The following RBL1 variants were observed in gnomAD, a reference collection of about 807,000 sequenced individuals.
RBL1 encodes RB transcriptional corepressor like 1.
A neutral mutation model predicts 123.0 loss-of-function variants in RBL1; 82 were observed. That is an observed-to-expected ratio of 0.67 (90% CI 0.56 to 0.80). The LOEUF is 0.80. Among genes scored for constraint, RBL1 ranks in the 30% least tolerant of loss-of-function variants. The pLI, the probability that RBL1 is intolerant of heterozygous loss-of-function variation, is 0.00. For synonymous variants in RBL1, 405 were observed against 441.3 expected, an observed-to-expected ratio of 0.92 and a Z score of 1.03; for missense variants, 1,171 against 1,299.6, an observed-to-expected ratio of 0.90 and a Z score of 1.52.
intron 2 of RBL1, among the ~76,000 whole-genome samples, chr20:37,077,174 G>A (rs2065378347): frequency 6.6e-6 from 1 of 152,070 alleles, no homozygotes; most frequent in Non-Finnish European, 1.5e-5. Context: ...TGACCTCGAT[G>A]ATCTGCCCCA....
intron 2 of RBL1, among the ~76,000 whole-genome samples, chr20:37,074,410 T>A: frequency 7.4e-6 from 1 of 135,102 alleles, no homozygotes; most frequent in Non-Finnish European, 1.5e-5. Flanking sequence ...CAAGACCCTG[T>A]CTCAGAAAAA....
At chr20:37,083,066 A>G (rs1197610382) in intron 2 of RBL1, among the ~76,000 whole-genome samples, 4 of 152,226 alleles carry the variant, frequency 2.6e-5, no homozygotes, top group Non-Finnish European at 4.4e-5. Flanking sequence ...CCAAATTATT[A>G]TAAGTCAAAG....
At chr20:37,028,330 A>G (rs1177658782) in intron 16 of RBL1, among the ~76,000 whole-genome samples, 2 of 152,128 alleles carry the variant, frequency 1.3e-5, no homozygotes, top group African/African-American at 4.8e-5. Flanking sequence ...ACGCTACTGC[A>G]TTCCAGCTTG....
At position 37,062,199 on chromosome 20, in the gene RBL1, C is replaced by T; in HGVS notation, c.968G>A (p.Gly323Glu). Residue 323 changes from glycine (G) to glutamate (E), a missense_variant, in exon 8 of 22, where the codon GGA (glycine) becomes GAA (glutamate). By Grantham distance (98) the Gly-to-Glu change is moderately conservative (BLOSUM62 -2). Coordinates refer to ENST00000373664, the MANE Select transcript of RBL1 (RefSeq NM_002895.5). ...TCCAATTTCCTCTTCTGCGTCTGCT[C>T]CCAAAAAGATCCTCTCATCAAAATC... ...VGDFDERIFL[G>E]ADAEEEIGTP... 6.2e-7 allele frequency: 1 copy of T among 1,614,152 alleles called. No homozygotes were observed. The highest frequency in any genetic ancestry group is 8.5e-7 in the Non-Finnish European group (1 of 1,180,022).
chr20:37,003,599 A>G (rs888735141), intron 21 of RBL1, 103 bp downstream of exon 21: 3 of 1,373,944 alleles, frequency 2.2e-6, no homozygotes, highest in Non-Finnish European at 2.9e-6. Context: ...ATATTTTATT[A>G]GTATAGTAGT....
chr20:37,065,514 C>T, intron 6 of RBL1, 41 bp from the exon 7 acceptor site: 1 of 1,299,106 alleles, frequency 7.7e-7, no homozygotes, highest in Non-Finnish European at 1.1e-6. Context: ...TATAATTAAG[C>T]ATATTAATAC....
intron 2 of RBL1, among the ~76,000 whole-genome samples, chr20:37,080,441 G>T (rs557126114): frequency 6.7e-6 from 1 of 149,860 alleles, no homozygotes; most frequent in African/African-American, 2.5e-5. Flanking sequence ...GCCTGGTCCC[G>T]CCGCAATTTA....
Position 37,032,923 on chromosome 20 carries a change from A to G in RBL1, c.2171-47T>C, listed in dbSNP as rs376065735. The G allele has an allele frequency of 1.9e-6, 3 of 1,604,790 alleles. No homozygotes were observed. In the African/African-American group the frequency reaches 4.0e-5, roughly 22 times the overall value. On this transcript the variant is annotated intron_variant, in intron 15 of 21. Coordinates refer to ENST00000373664, the MANE Select transcript of RBL1 (RefSeq NM_002895.5). ...GAAATAATCTGCATATGTTCTAGGA[A>G]AGTTGTCAACTATATATATTTTGAC...
intron 12 of RBL1, among the ~76,000 whole-genome samples, chr20:37,045,744 T>G (rs923861571): frequency 1.3e-5 from 2 of 152,172 alleles, no homozygotes; most frequent in Admixed American, 6.5e-5. Context: ...GAATCACTTC[T>G]CCCTAAGAAA....
chr20:37,069,912 G>T (rs574366981), intron 2 of RBL1, among the ~76,000 whole-genome samples: 2 of 151,860 alleles, frequency 1.3e-5, no homozygotes, highest in Middle Eastern at 3.4e-3. Context: ...CTGCCCAGCT[G>T]CCCCTACTGG....
At chr20:37,008,101 G>T (rs1023856182) in intron 19 of RBL1, among the ~76,000 whole-genome samples, 1 of 152,148 alleles carries the variant, frequency 6.6e-6, no homozygotes, top group Non-Finnish European at 1.5e-5. Flanking sequence ...ACTTCAGAAT[G>T]TTTTCACAAC....
chr20:37,089,412 A>G lies in RBL1; in HGVS notation c.157-290T>C, dbSNP rs2065610808. Among the ~76,000 whole-genome samples, 3 of 152,124 alleles carry G rather than the reference A, an allele frequency of 2.0e-5. No individual in the cohort carries two copies. The South Asian group carries it at 6.2e-4, about 32-fold the overall frequency. On this transcript the variant is annotated intron_variant, in intron 1 of 21. Coordinates refer to ENST00000373664, the MANE Select transcript of RBL1 (RefSeq NM_002895.5). Reference sequence around the variant, plus strand: ...ATGTTTGTAATCCCAGTAACTCGGGAGGCTGAGGTGCGAGTATCACTTGAT... The same window carrying G: ...ATGTTTGTAATCCCAGTAACTCGGGGGGCTGAGGTGCGAGTATCACTTGAT...
intron 2 of RBL1, among the ~76,000 whole-genome samples, chr20:37,087,572 A>C (rs1304735833): frequency 2.0e-5 from 3 of 152,184 alleles, no homozygotes; most frequent in Non-Finnish European, 4.4e-5. Context: ...TGGGCAATAC[A>C]GCAAGACTCG....
chr20:37,083,827 G>A (rs1039233335), intron 2 of RBL1, among the ~76,000 whole-genome samples: 5 of 151,114 alleles, frequency 3.3e-5, no homozygotes, highest in African/African-American at 7.3e-5. Context: ...CATTTTGGGG[G>A]AAAGGGACTT....
At chr20:37,004,923 G>A (rs562727904) in intron 20 of RBL1, among the ~76,000 whole-genome samples, 1 of 151,784 alleles carries the variant, frequency 6.6e-6, no homozygotes, top group African/African-American at 2.4e-5. Context: ...TGCGCCTATA[G>A]TCCCTGCCAC....
At chr20:37,012,148 G>A (rs1379670182) in intron 19 of RBL1, among the ~76,000 whole-genome samples, 2 of 152,254 alleles carry the variant, frequency 1.3e-5, no homozygotes, top group South Asian at 4.1e-4. Context: ...TGCAGACGGA[G>A]TCTGGTTCAC....
intron 7 of RBL1, among the ~76,000 whole-genome samples, chr20:37,062,854 T>C (rs111669134): frequency 0.014 from 2,054 of 151,218 alleles, 50 homozygotes; most frequent in African/African-American, 0.047. Context: ...ACTTGGGAGG[T>C]GCCTGTAGTC....
intron 21 of RBL1, among the ~76,000 whole-genome samples, chr20:37,000,779 A>G (rs2063961283): frequency 8.0e-6 from 1 of 124,536 alleles, no homozygotes; most frequent in African/African-American, 3.1e-5. Flanking sequence ...CGGGGGGGTC[A>G]GCCCCCCGCC....
intron 2 of RBL1, among the ~76,000 whole-genome samples, chr20:37,075,895 T>G (rs1600588023): frequency 6.6e-6 from 1 of 152,240 alleles, no homozygotes; most frequent in Non-Finnish European, 1.5e-5. Context: ...AATACAAAGA[T>G]GCATATCATG....
Sources: allele counts gnomAD v4.1 joint callset (sites outside exome capture counted in the v4.1 genomes callset), GRCh38; gene constraint gnomAD v4.1.1; transcripts MANE v1.5; gene names NCBI Gene and HGNC (gene_info 2026-07-23, HGNC 2026-07-21).